ASIC2: variants seen among roughly 807,000 people sequenced by gnomAD.
ASIC2 encodes the protein acid sensing ion channel subunit 2.
ASIC2 carries 25 observed loss-of-function variants against 57.3 expected under a neutral mutation model. The observed-to-expected ratio is 0.44, with a 90% confidence interval of 0.32 to 0.61. The LOEUF is 0.61. ASIC2 is among the 20% of genes least tolerant of loss of function. The probability of loss-of-function intolerance (pLI) is 0.06; values close to 1 mark genes in which losing one functional copy is unlikely to be tolerated. For missense variants in ASIC2, 641 were observed against 738.1 expected, an observed-to-expected ratio of 0.87 and a Z score of 1.52; for synonymous variants, 319 against 307.5, an observed-to-expected ratio of 1.04 and a Z score of -0.39.
intron 2 of ASIC2, among the ~76,000 whole-genome samples, chr17:33,108,334 A>C (rs1466836172): frequency 6.6e-6 from 1 of 151,832 alleles, no homozygotes; most frequent in Non-Finnish European, 1.5e-5. Flanking sequence ...TATCTCCTGG[A>C]CTCCTGGGCC....
chr17:34,011,580 C>A (rs1002653388), intron 1 of ASIC2, among the ~76,000 whole-genome samples: 1 of 152,128 alleles, frequency 6.6e-6, no homozygotes, highest in Non-Finnish European at 1.5e-5. Flanking sequence ...TCTCTCCTTC[C>A]CTTTGCCGCT....
At chr17:33,314,238 A>G in intron 1 of ASIC2, among the ~76,000 whole-genome samples, 1 of 152,212 alleles carries the variant, frequency 6.6e-6, no homozygotes, top group East Asian at 1.9e-4. Context: ...GAGCTAGCAT[A>G]GGAAATTCTC....
intron 1 of ASIC2, among the ~76,000 whole-genome samples, chr17:33,310,203 A>T (rs943506320): frequency 6.6e-6 from 1 of 151,676 alleles, no homozygotes; most frequent in Non-Finnish European, 1.5e-5. Flanking sequence ...ATAAGAGTTG[A>T]CATTTATGCT....
chr17:33,095,256 C>T (rs1460664170), intron 2 of ASIC2, among the ~76,000 whole-genome samples: 1 of 152,108 alleles, frequency 6.6e-6, no homozygotes, highest in Non-Finnish European at 1.5e-5. Flanking sequence ...TGTAGACTGG[C>T]CCCTCCTCTC....
rs369346842 is a variant in ASIC2, at chr17:33,059,944, A to G, written c.987+28919T>C. On this transcript the variant is annotated intron_variant, in intron 3 of 9. Transcript: ENST00000225823. ...AGCATTTTTTCATGTGTCTGTTGGC[A>G]GCATCAATGTCTTCTTCTGAGAAGT... is the stretch of plus-strand genomic sequence containing the variant. Among the ~76,000 whole-genome samples, 4 of 152,130 alleles carry G rather than the reference A, an allele frequency of 2.6e-5. No individual in the cohort carries two copies. The South Asian group carries it at 8.3e-4, about 32-fold the overall frequency.
At chr17:33,443,444 C>G (rs544896741) in intron 1 of ASIC2, among the ~76,000 whole-genome samples, 2 of 95,380 alleles carry the variant, frequency 2.1e-5, no homozygotes, top group Non-Finnish European at 4.0e-5. Context: ...GACGGAGTCT[C>G]GCTCTGTCGC....
intron 1 of ASIC2, among the ~76,000 whole-genome samples, chr17:34,113,272 G>C (rs1911330290): frequency 6.6e-6 from 1 of 152,204 alleles, no homozygotes; most frequent in African/African-American, 2.4e-5. Flanking sequence ...TAAGTGTCAA[G>C]TATGTGTCAA....
rs10612611 is a variant in ASIC2, at chr17:33,058,470, C to CAAAA, written c.988-30082_988-30079dup. 5.7e-3 allele frequency among the ~76,000 whole-genome samples: 623 copies of CAAAA among 109,478 alleles called. 3 individuals carry two copies. The highest frequency in any genetic ancestry group is 0.018 in the African/African-American group (507 of 28,956). 71.8% of individuals were successfully genotyped at this position (109,478 alleles called of 152,430 possible). A position where few individuals can be genotyped will look rare whatever the true frequency, so the allele number is the denominator to read the frequency against. ...CTGTTTTTTCTCCCTTCTGAGAAGTCAAAAAAAAAAAAAAAAAAAAACAAA... is the reference window on the plus strand; with the variant it reads ...CTGTTTTTTCTCCCTTCTGAGAAGTCAAAAAAAAAAAAAAAAAAAAAAAAACAAA... On this transcript the variant is annotated intron_variant, in intron 3 of 9. Coordinates refer to ENST00000225823, the MANE Select transcript of ASIC2 (RefSeq NM_183377.2).
intron 1 of ASIC2, among the ~76,000 whole-genome samples, chr17:33,500,249 G>A (rs775346114): frequency 6.6e-5 from 10 of 152,076 alleles, no homozygotes; most frequent in Non-Finnish European, 1.3e-4. Context: ...GGGTTTCCAC[G>A]TGTGACAGCA....
At chr17:33,968,143 TC>T (rs1905125623) in intron 1 of ASIC2, among the ~76,000 whole-genome samples, 1 of 152,150 alleles carries the variant, frequency 6.6e-6, no homozygotes, top group African/African-American at 2.4e-5. Context: ...CCTCCCTTCC[TC>T]CACATCCCCA....
rs117400321 is a variant in ASIC2, at chr17:33,164,671, C to T, written c.709-52604G>A. ...CAGGGGCTTGCTCAAGGCTTGCTTGCCAGCAGCTATGTCCTGTAATTGAGC... is the reference window on the plus strand; with the variant it reads ...CAGGGGCTTGCTCAAGGCTTGCTTGTCAGCAGCTATGTCCTGTAATTGAGC... On this transcript the variant is annotated intron_variant, in intron 1 of 9. Coordinates refer to ENST00000225823, the MANE Select transcript of ASIC2 (RefSeq NM_183377.2). 6.2e-3 allele frequency among the ~76,000 whole-genome samples: 939 copies of T among 152,276 alleles called. 3 individuals are homozygous for T. The highest frequency in any genetic ancestry group is 9.6e-3 in the Non-Finnish European group (653 of 68,028).
At chr17:33,350,504 A>AC (rs1467286900) in intron 1 of ASIC2, among the ~76,000 whole-genome samples, 2 of 151,622 alleles carry the variant, frequency 1.3e-5, no homozygotes, top group African/African-American at 2.4e-5. Flanking sequence ...ACAGGACGAA[A>AC]CCCCGTCTCT....
chr17:33,377,331 G>A (rs145128944), intron 1 of ASIC2, among the ~76,000 whole-genome samples: 56 of 152,316 alleles, frequency 3.7e-4, no homozygotes, highest in African/African-American at 1.3e-3. Context: ...AATTACAGGC[G>A]TGAGCCACTG....
intron 1 of ASIC2, among the ~76,000 whole-genome samples, chr17:34,079,894 A>G (rs1331892981): frequency 6.6e-6 from 1 of 152,110 alleles, no homozygotes; most frequent in African/African-American, 2.4e-5. Flanking sequence ...GAAGACCTTG[A>G]CCTTCTAGCT....
At chr17:33,329,877 G>T (rs1504574) in intron 1 of ASIC2, among the ~76,000 whole-genome samples, 1 of 152,092 alleles carries the variant, frequency 6.6e-6, no homozygotes, top group African/African-American at 2.4e-5. Flanking sequence ...TTTCTCCCAG[G>T]AGGAGAATGT....
intron 1 of ASIC2, among the ~76,000 whole-genome samples, chr17:33,183,371 A>C (rs1023358905): frequency 1.3e-4 from 20 of 152,238 alleles, no homozygotes; most frequent in African/African-American, 3.9e-4. Context: ...TAATGAAAAA[A>C]TTACAATACA....
At position 33,613,126 on chromosome 17, in the gene ASIC2, G is replaced by A. The variant is rs146031647; in HGVS notation, c.556-501059C>T. Among the ~76,000 whole-genome samples, 3 of 152,262 alleles carry A rather than the reference G, an allele frequency of 2.0e-5. No homozygotes were observed. In the East Asian group the frequency reaches 5.8e-4, roughly 29 times the overall value. ...ATGACAGTCACTAGTGTGCGAATAT[G>A]TTGTTTTAGTATATAGAGATAGAAA... On this transcript the variant is annotated intron_variant, in intron 1 of 9. Coordinates refer to the ASIC2 transcript ENST00000359872.
At chr17:33,174,796 G>A (rs1905677475) in intron 1 of ASIC2, among the ~76,000 whole-genome samples, 1 of 152,206 alleles carries the variant, frequency 6.6e-6, no homozygotes, top group Non-Finnish European at 1.5e-5. Flanking sequence ...GTCACCTGCT[G>A]TTGATCTACA....
intron 1 of ASIC2, among the ~76,000 whole-genome samples, chr17:33,312,027 G>T (rs1906446701): frequency 1.3e-5 from 2 of 152,156 alleles, no homozygotes; most frequent in African/African-American, 4.8e-5. Context: ...CTCTGGGAGT[G>T]CTGTCAAGCA....
Sources: allele counts gnomAD v4.1 joint callset (sites outside exome capture counted in the v4.1 genomes callset), GRCh38; gene constraint gnomAD v4.1.1; transcripts MANE v1.5; gene names NCBI Gene and HGNC (gene_info 2026-07-23, HGNC 2026-07-21).